PRKCI: variants seen among roughly 807,000 people sequenced by gnomAD.
The protein encoded by PRKCI is protein kinase C iota, also known as protein kinase C iota type.
In PRKCI, 43 loss-of-function variants were observed where a neutral mutation model predicts 84.0. The observed-to-expected ratio is 0.51, with a 90% CI of 0.40 to 0.66. The LOEUF (loss-of-function observed/expected upper bound fraction) is 0.66, where lower values mean the gene tolerates loss of function less well. PRKCI is among the 30% of genes least tolerant of loss of function. PRKCI has a pLI of 0.00. For synonymous variants in PRKCI, 216 were observed against 234.4 expected, an observed-to-expected ratio of 0.92 and a Z score of 0.72; for missense variants, 459 against 745.6, an observed-to-expected ratio of 0.62 and a Z score of 4.48.
At chr3:170,230,742 CA>C (rs1373793517) in intron 1 of PRKCI, among the ~76,000 whole-genome samples, 1 of 151,974 alleles carries the variant, frequency 6.6e-6, no homozygotes, top group East Asian at 1.9e-4. Flanking sequence ...ATTCTAATAC[CA>C]TTATTGGGCA....
At chr3:170,280,572 C>T (rs1163981839) in intron 9 of PRKCI, among the ~76,000 whole-genome samples, 169 bp downstream of exon 9, 4 of 152,102 alleles carry the variant, frequency 2.6e-5, no homozygotes, top group Non-Finnish European at 5.9e-5. Flanking sequence ...CCTCAGCCTC[C>T]CAAGTAGCTG....
chr3:170,247,900 T>C (rs1733330791), intron 2 of PRKCI, among the ~76,000 whole-genome samples: 1 of 152,162 alleles, frequency 6.6e-6, no homozygotes, highest in South Asian at 2.1e-4. Flanking sequence ...CACCTAAAAA[T>C]TATGGCATCC....
intron 16 of PRKCI, among the ~76,000 whole-genome samples, chr3:170,297,641 G>GC (rs201414241): frequency 0.01 from 1,516 of 148,464 alleles, 29 homozygotes; most frequent in African/African-American, 0.037. Flanking sequence ...TAGTAGAGAT[G>GC]GGGGGGGTTT....
At position 170,265,289 on chromosome 3, in the gene PRKCI, C is replaced by G. The variant is rs1458920500; in HGVS notation, c.364+1860C>G. ...GATTTAACAAGCTCTTCAGGTGATT[C>G]TGATGCACACTAAAGTTTGAGAACC... On this transcript the variant is annotated intron_variant, in intron 4 of 17. Transcript: ENST00000295797. Among the ~76,000 whole-genome samples, 3 of 152,218 alleles carry G rather than the reference C, an allele frequency of 2.0e-5. No individual in the cohort carries two copies. The East Asian group carries it at 5.8e-4, about 29-fold the overall frequency.
At chr3:170,291,463 G>A (rs1288201145) in intron 12 of PRKCI, among the ~76,000 whole-genome samples, 12 of 152,204 alleles carry the variant, frequency 7.9e-5, no homozygotes, top group South Asian at 2.1e-4. Flanking sequence ...TTGGGAGGCC[G>A]AGGCAGGTGG....
intron 6 of PRKCI, among the ~76,000 whole-genome samples, chr3:170,271,040 CGA>C (rs1733991993): frequency 6.6e-6 from 1 of 151,430 alleles, no homozygotes. Flanking sequence ...TGTTTGTTAT[CGA>C]AAAAAATACA....
intron 10 of PRKCI, chr3:170,281,467 A>G: frequency 2.1e-6 from 1 of 480,908 alleles, no homozygotes; most frequent in South Asian, 4.0e-5. Context: ...TACTTTAGGC[A>G]GAACAGGAAA....
chr3:170,280,679 C>T (rs1734221701), intron 9 of PRKCI, among the ~76,000 whole-genome samples: 7 of 152,034 alleles, frequency 4.6e-5, no homozygotes, highest in Admixed American at 4.6e-4. Context: ...GAACTCCTGA[C>T]CTCAAGTGAT....
At chr3:170,280,089 G>T (rs1425505370) in intron 8 of PRKCI, 138 bp from the exon 9 acceptor site, 1 of 782,386 alleles carries the variant, frequency 1.3e-6, no homozygotes, top group Non-Finnish European at 1.9e-6. Context: ...AATGACATTT[G>T]AAAAATATTA....
At chr3:170,273,815 A>C (rs1422980988) in intron 7 of PRKCI, among the ~76,000 whole-genome samples, 1 of 149,066 alleles carries the variant, frequency 6.7e-6, no homozygotes, top group Non-Finnish European at 1.5e-5. Context: ...ACTCCATCTC[A>C]AAAAAGAGAG....
At chr3:170,275,851 T>C (rs1261424672) in intron 8 of PRKCI, among the ~76,000 whole-genome samples, 9 of 152,100 alleles carry the variant, frequency 5.9e-5, no homozygotes. Flanking sequence ...TATTTATATT[T>C]CTGTTTTTCA....
intron 2 of PRKCI, among the ~76,000 whole-genome samples, chr3:170,255,692 G>T (rs1733568429): frequency 6.6e-6 from 1 of 152,106 alleles, no homozygotes; most frequent in Admixed American, 6.6e-5. Context: ...CCATTACTAT[G>T]TTGAATAATA....
At chr3:170,273,412 C>G in intron 7 of PRKCI, 72 bp downstream of exon 7, 1 of 1,406,252 alleles carries the variant, frequency 7.1e-7, no homozygotes, top group South Asian at 1.2e-5. Flanking sequence ...AGGTGACTCT[C>G]TTACCCAAGT....
At chr3:170,272,420 T>C (rs918255854) in intron 6 of PRKCI, among the ~76,000 whole-genome samples, 34 of 152,294 alleles carry the variant, frequency 2.2e-4, no homozygotes, top group African/African-American at 7.9e-4. Flanking sequence ...ATTAGAATCT[T>C]TAATTAGTTC....
chr3:170,271,728 G>T (rs1186928056), intron 6 of PRKCI, among the ~76,000 whole-genome samples: 1 of 152,146 alleles, frequency 6.6e-6, no homozygotes, highest in East Asian at 1.9e-4. Flanking sequence ...GGATGTCGAG[G>T]TTTGATTAGA....
At chr3:170,235,161 C>G in intron 1 of PRKCI, 69 bp from the exon 2 acceptor site, 1 of 1,465,390 alleles carries the variant, frequency 6.8e-7, no homozygotes, top group Admixed American at 1.9e-5. Flanking sequence ...AATTGTCAAG[C>G]ATTCAGTAAT....
At position 170,299,055 on chromosome 3, in the gene PRKCI, G is replaced by A; in HGVS notation, c.1648G>A (p.Asp550Asn). 1.2e-6 allele frequency: 2 copies of A among 1,613,476 alleles called. No homozygotes were observed. Among genetic ancestry groups the A allele is most frequent in the African/African-American group, 2.7e-5 (2 of 75,002 alleles). ...KPNISGEFGL[D>N]NFDSQFTNEP... ...AAATATTTCTGGGGAATTTGGTTTG[G>A]ACAACTTTGATTCTCAGTTTACTAA... The change falls in exon 17 of 18, where the codon GAC becomes AAC. Residue 550 changes from aspartate to asparagine, a missense_variant. By Grantham distance (23) the Asp-to-Asn change is conservative (BLOSUM62 1). Transcript: ENST00000295797.
chr3:170,286,039 C>G (rs1429135837), intron 12 of PRKCI, among the ~76,000 whole-genome samples: 1 of 151,908 alleles, frequency 6.6e-6, no homozygotes, highest in South Asian at 2.1e-4. Context: ...ATTCTCCTGC[C>G]TCAGCCTCCT....
intron 7 of PRKCI, among the ~76,000 whole-genome samples, chr3:170,273,793 T>C (rs1734052400): frequency 7.0e-6 from 1 of 143,794 alleles, no homozygotes; most frequent in African/African-American, 2.6e-5. Flanking sequence ...CTAGCCTGGG[T>C]GACAGAACAA....
Sources: gnomAD v4.1 joint callset for allele counts (sites outside exome capture counted in the v4.1 genomes callset) on GRCh38, gnomAD v4.1.1 for gene constraint, MANE v1.5 for transcripts, NCBI Gene and HGNC (gene_info 2026-07-23, HGNC 2026-07-21) for gene names.